SV2C: variants seen among roughly 807,000 people sequenced by gnomAD.
The protein encoded by SV2C is solute carrier family 22 member B3.
SV2C carries 49 observed loss-of-function variants against 79.7 expected under a neutral mutation model. The ratio of observed to expected loss-of-function variants is 0.61; its 90% CI spans 0.49 to 0.78. The LOEUF (loss-of-function observed/expected upper bound fraction) is 0.78. Among genes scored for constraint, SV2C ranks in the 30% least tolerant of loss-of-function variants. The pLI, the probability that SV2C is intolerant of heterozygous loss-of-function variation, is 0.00. For synonymous variants in SV2C, 334 were observed against 333.2 expected, an observed-to-expected ratio of 1.00 and a Z score of -0.03; for missense variants, 833 against 912.9, an observed-to-expected ratio of 0.91 and a Z score of 1.13.
chr5:76,093,091 A>C (rs1205974590), intron 1 of SV2C, among the ~76,000 whole-genome samples: 1 of 152,200 alleles, frequency 6.6e-6, no homozygotes, highest in Non-Finnish European at 1.5e-5. Flanking sequence ...TAGAAAGAAA[A>C]GTGCATATTT....
At chr5:76,273,170 T>TATATAC (rs144534109) in intron 4 of SV2C, among the ~76,000 whole-genome samples, 62 of 122,004 alleles carry the variant, frequency 5.1e-4, no homozygotes, top group South Asian at 1.4e-3. Flanking sequence ...TATATATATA[T>TATATAC]ACACACATAT....
chr5:76,292,140 C>T (rs1747586946), intron 8 of SV2C, among the ~76,000 whole-genome samples: 1 of 152,112 alleles, frequency 6.6e-6, no homozygotes, highest in African/African-American at 2.4e-5. Context: ...TTGCCCAGCC[C>T]CAGCCATACC....
chr5:76,353,780 C>A (rs958402486), exon 13 of SV2C: 16 of 152,134 alleles, frequency 1.1e-4, no homozygotes, highest in African/African-American at 3.6e-4. Flanking sequence ...TTAACCAAGA[C>A]GCCTTTACTT....
the SV2C span, among the ~76,000 whole-genome samples, chr5:75,909,928 A>T: frequency 2.3e-4 from 35 of 152,206 alleles, no homozygotes; most frequent in Non-Finnish European, 3.7e-4. Context: ...AGACACAATA[A>T]TAGCCGGTGT....
intron 4 of SV2C, chr5:76,280,927 C>T (rs1747168971): frequency 3.8e-6 from 2 of 526,758 alleles, no homozygotes; most frequent in Non-Finnish European, 7.6e-6. Flanking sequence ...GTGCTGAGAG[C>T]GCGACAGGGT....
chr5:75,869,452 C>T, the SV2C span, among the ~76,000 whole-genome samples: 5 of 152,302 alleles, frequency 3.3e-5, no homozygotes, highest in Non-Finnish European at 5.9e-5. Context: ...GTGGGAAGGA[C>T]TGCATCTTGT....
At chr5:75,876,507 A>G in the SV2C span, among the ~76,000 whole-genome samples, 2 of 152,090 alleles carry the variant, frequency 1.3e-5, no homozygotes, top group African/African-American at 2.4e-5. Context: ...AATATGTATA[A>G]TAAATTCCTG....
At chr5:76,018,085 G>A in the SV2C span, among the ~76,000 whole-genome samples, 1 of 152,136 alleles carries the variant, frequency 6.6e-6, no homozygotes, top group Non-Finnish European at 1.5e-5. Flanking sequence ...TGTAGAAAAG[G>A]CAGCAGATCC....
chr5:75,880,002 A>G, the SV2C span, among the ~76,000 whole-genome samples: 3 of 152,136 alleles, frequency 2.0e-5, no homozygotes, highest in South Asian at 4.2e-4. Context: ...CAAAGTGGCA[A>G]CCTGAGCTGT....
the SV2C span, among the ~76,000 whole-genome samples, chr5:75,989,345 C>T: frequency 6.6e-6 from 1 of 151,998 alleles, no homozygotes. Context: ...CATGTGTTCT[C>T]ATCCTTCAGC....
chr5:76,317,552 A>T (rs1034009045), intron 12 of SV2C, among the ~76,000 whole-genome samples: 9 of 152,192 alleles, frequency 5.9e-5, no homozygotes, highest in African/African-American at 2.2e-4. Context: ...CACTTAGGCC[A>T]GGTGCTGTGG....
chr5:76,090,002 A>G (rs1004994339), intron 1 of SV2C, among the ~76,000 whole-genome samples: 60 of 152,340 alleles, frequency 3.9e-4, no homozygotes, highest in African/African-American at 1.3e-3. Flanking sequence ...ATGAGAGGAT[A>G]CCTTTTTGAT....
chr5:76,286,874 A>G (rs1377838656), intron 6 of SV2C: 2 of 152,130 alleles, frequency 1.3e-5, no homozygotes, highest in Non-Finnish European at 2.9e-5. Flanking sequence ...TGTCATGAGA[A>G]CAGCAGCATA....
chr5:76,178,834 G>T (rs1224859576), intron 2 of SV2C, among the ~76,000 whole-genome samples: 1 of 152,084 alleles, frequency 6.6e-6, no homozygotes, highest in South Asian at 2.1e-4. Flanking sequence ...TACTTTCTTG[G>T]GACACTCAAG....
chr5:76,234,701 G>A (rs1274829943), intron 4 of SV2C, among the ~76,000 whole-genome samples: 1 of 152,154 alleles, frequency 6.6e-6, no homozygotes, highest in Non-Finnish European at 1.5e-5. Flanking sequence ...TTCATTTTAG[G>A]GAAAAGGTTA....
chr5:76,222,970 A>T (rs1745112763), intron 4 of SV2C, among the ~76,000 whole-genome samples: 1 of 152,150 alleles, frequency 6.6e-6, no homozygotes, highest in East Asian at 1.9e-4. Flanking sequence ...TCTGTACATG[A>T]AGAAGCTAAG....
intron 8 of SV2C, 71 bp from the exon 9 acceptor site, chr5:76,295,707 A>G: frequency 4.1e-6 from 6 of 1,480,930 alleles, no homozygotes; most frequent in Non-Finnish European, 5.5e-6. Context: ...CAGTCTGAAA[A>G]CATCAGGGAG....
chr5:76,352,530 T>C (rs570068902), intron 12 of SV2C, among the ~76,000 whole-genome samples: 102 of 152,356 alleles, frequency 6.7e-4, no homozygotes, highest in African/African-American at 2.3e-3. Context: ...TCTCTTGGAC[T>C]TTCTTGCTTT....
At chr5:76,134,264 G>C (rs938972803) in intron 2 of SV2C, among the ~76,000 whole-genome samples, 1 of 152,166 alleles carries the variant, frequency 6.6e-6, no homozygotes, top group South Asian at 2.1e-4. Flanking sequence ...ACTCAGTGTT[G>C]TGAGTCCCCA....
Sources: allele counts gnomAD v4.1 joint callset (sites outside exome capture counted in the v4.1 genomes callset), GRCh38; gene constraint gnomAD v4.1.1; transcripts MANE v1.5; gene names NCBI Gene and HGNC (gene_info 2026-07-23, HGNC 2026-07-21).